NR3C2: variants seen among roughly 807,000 people sequenced by gnomAD.
NR3C2 encodes the protein nuclear receptor subfamily 3 group C member 2, also known as mineralocorticoid receptor.
A neutral mutation model predicts 86.4 loss-of-function variants in NR3C2; 15 were observed. That is an observed-to-expected ratio of 0.17 (90% CI 0.12 to 0.27). NR3C2 has a LOEUF of 0.27. Among genes scored for constraint, NR3C2 ranks in the 10% least tolerant of loss-of-function variants. NR3C2 has a pLI of 1.00. For missense variants in NR3C2, 960 were observed against 1,195.6 expected (o/e 0.80, Z 2.91); for synonymous variants, 458 against 450.5 (o/e 1.02, Z -0.21).
chr4:148,369,596 A>C (rs1468379736), intron 2 of NR3C2, among the ~76,000 whole-genome samples: 1 of 152,214 alleles, frequency 6.6e-6, no homozygotes, highest in Non-Finnish European at 1.5e-5. Context: ...CTTTGAGTAT[A>C]ATCACTATGC....
At chr4:148,410,310 AAC>A (rs1459812045) in intron 2 of NR3C2, among the ~76,000 whole-genome samples, 3 of 152,216 alleles carry the variant, frequency 2.0e-5, no homozygotes, top group African/African-American at 7.2e-5. Context: ...CAATGAATGA[AAC>A]AGTACTTAAG....
chr4:148,215,000 TG>T (rs1737457508), intron 3 of NR3C2, among the ~76,000 whole-genome samples: 1 of 152,120 alleles, frequency 6.6e-6, no homozygotes, highest in Non-Finnish European at 1.5e-5. Context: ...AACAAGGGGA[TG>T]GGGGCCTGGG....
intron 1 of NR3C2, among the ~76,000 whole-genome samples, chr4:148,437,143 A>C (rs1750121069): frequency 6.6e-6 from 1 of 152,248 alleles, no homozygotes; most frequent in Admixed American, 6.5e-5. Flanking sequence ...AGTCTGCAAA[A>C]AATATTTACA....
At chr4:148,419,952 G>C (rs1423215940) in intron 2 of NR3C2, among the ~76,000 whole-genome samples, 1 of 152,164 alleles carries the variant, frequency 6.6e-6, no homozygotes, top group Non-Finnish European at 1.5e-5. Context: ...TTTTGAAACT[G>C]ATGTAGGGTA....
intron 2 of NR3C2, among the ~76,000 whole-genome samples, chr4:148,427,547 G>A (rs1329478596): frequency 2.0e-5 from 3 of 151,744 alleles, no homozygotes; most frequent in Non-Finnish European, 4.4e-5. Context: ...GTGTGTTTGT[G>A]TGGTCTAGTG....
chr4:148,369,911 C>T (rs1398501109), intron 2 of NR3C2, among the ~76,000 whole-genome samples: 2 of 152,204 alleles, frequency 1.3e-5, no homozygotes, highest in Non-Finnish European at 2.9e-5. Context: ...CTGCAAAGAA[C>T]CGGGTGAAAT....
intron 2 of NR3C2, among the ~76,000 whole-genome samples, chr4:148,346,749 C>T (rs1745013113): frequency 6.6e-6 from 1 of 152,114 alleles, no homozygotes; most frequent in Non-Finnish European, 1.5e-5. Context: ...CCAGGCTAAA[C>T]AAATTATAGA....
intron 5 of NR3C2, among the ~76,000 whole-genome samples, chr4:148,153,476 C>T (rs1039681900): frequency 4.6e-5 from 7 of 152,150 alleles, no homozygotes. Flanking sequence ...TGCACCAGGC[C>T]TTCTTTTGTT....
chr4:148,088,637 TCTCA>T (rs1460461759), intron 8 of NR3C2, among the ~76,000 whole-genome samples: 1 of 151,430 alleles, frequency 6.6e-6, no homozygotes, highest in Non-Finnish European at 1.5e-5. Context: ...CACTGCATGT[TCTCA>T]CTCATAAGTG....
chr4:148,340,665 C>T (rs1409181426), intron 2 of NR3C2, among the ~76,000 whole-genome samples: 2 of 152,020 alleles, frequency 1.3e-5, no homozygotes, highest in Admixed American at 6.6e-5. Context: ...AGCTTCTGCA[C>T]TGCAAAAGAA....
chr4:148,171,085 G>A (rs1735103360), intron 4 of NR3C2, among the ~76,000 whole-genome samples: 1 of 152,180 alleles, frequency 6.6e-6, no homozygotes, highest in South Asian at 2.1e-4. Context: ...CCGTTAAAAA[G>A]AATATTTGTT....
chr4:148,262,516 C>A (rs1156745621), intron 2 of NR3C2, among the ~76,000 whole-genome samples: 1 of 152,100 alleles, frequency 6.6e-6, no homozygotes, highest in Admixed American at 6.6e-5. Flanking sequence ...TGCCTCCAAA[C>A]GTGTTCATTT....
chr4:148,189,677 T>A (rs910889365), intron 4 of NR3C2, among the ~76,000 whole-genome samples: 5 of 152,184 alleles, frequency 3.3e-5, no homozygotes, highest in African/African-American at 1.2e-4. Context: ...GACAATTTTT[T>A]AGTTACCATT....
intron 3 of NR3C2, among the ~76,000 whole-genome samples, chr4:148,204,484 G>A (rs1478463722): frequency 6.6e-6 from 1 of 152,076 alleles, no homozygotes; most frequent in Admixed American, 6.5e-5. Context: ...TCCTATGGGG[G>A]GAGTCCTATG....
rs773710218 is a variant in NR3C2 at position 148,080,054 on chromosome 4, C to T, written c.*1290G>A. ...GCCATCAAGTTCCCAGTCTCACTCT[C>T]GTAGAGCTGGTTCTGCTTCTAGAGG... On this transcript the variant is annotated 3_prime_UTR_variant, in exon 9 of 9. Coordinates refer to ENST00000358102, the MANE Select transcript of NR3C2 (RefSeq NM_000901.5). 2.6e-5 allele frequency: 4 copies of T among 152,186 alleles called. No individual in the cohort carries two copies. Among genetic ancestry groups the T allele is most frequent in the Non-Finnish European group, 5.9e-5 (4 of 68,040 alleles). 9.4% of individuals were successfully genotyped at this position (152,186 alleles called of 1,614,324 possible). A position where few individuals can be genotyped will look rare whatever the true frequency, so the allele number is the denominator to read the frequency against.
chr4:148,239,164 C>T (rs1421728133), intron 3 of NR3C2, among the ~76,000 whole-genome samples: 1 of 152,200 alleles, frequency 6.6e-6, no homozygotes, highest in Admixed American at 6.5e-5. Flanking sequence ...AAAAGTGAAG[C>T]CAAGTAAATG....
intron 2 of NR3C2, among the ~76,000 whole-genome samples, chr4:148,362,912 T>G (rs1241061492): frequency 6.6e-6 from 1 of 152,198 alleles, no homozygotes; most frequent in African/African-American, 2.4e-5. Context: ...ATGACATCTT[T>G]CTACATGCCG....
intron 2 of NR3C2, among the ~76,000 whole-genome samples, chr4:148,377,462 C>G (rs1746737170): frequency 6.6e-6 from 1 of 152,016 alleles, no homozygotes; most frequent in Non-Finnish European, 1.5e-5. Context: ...CAAACTGAGA[C>G]AAGGGATTGG....
intron 2 of NR3C2, among the ~76,000 whole-genome samples, chr4:148,433,850 T>C (rs904577600): frequency 1.3e-5 from 2 of 152,210 alleles, no homozygotes; most frequent in African/African-American, 4.8e-5. Flanking sequence ...TGCTATCTCA[T>C]GACTTGTGTT....
Sources: gnomAD v4.1 joint callset for allele counts (sites outside exome capture counted in the v4.1 genomes callset) on GRCh38, gnomAD v4.1.1 for gene constraint, MANE v1.5 for transcripts, NCBI Gene and HGNC (gene_info 2026-07-23, HGNC 2026-07-21) for gene names.